Variants in GRM5 observed in about 807,000 individuals in gnomAD.
GRM5 encodes glutamate metabotropic receptor 5.
A neutral mutation model predicts 83.1 loss-of-function variants in GRM5; 19 were observed. The ratio of observed to expected loss-of-function variants is 0.23; its 90% CI spans 0.16 to 0.34. The LOEUF is 0.34. Among genes scored for constraint, GRM5 ranks in the 10% least tolerant of loss-of-function variants. The pLI is 1.00. For missense variants in GRM5, 1,160 were observed against 1,588.3 expected, an observed-to-expected ratio of 0.73 and a Z score of 4.58; for synonymous variants, 675 against 633.6, an observed-to-expected ratio of 1.07 and a Z score of -0.98.
Position 88,657,823 on chromosome 11 carries a change from T to G in GRM5, c.912-4420A>C, listed in dbSNP as rs77757226. ...CTACCCATCTTAGACTAAATTATTT[T>G]GTCACAATCAATAGTCCCAGTATCT... On this transcript the variant is annotated intron_variant, in intron 3 of 9. Coordinates refer to ENST00000305447, the MANE Select transcript of GRM5 (RefSeq NM_001143831.3). 9.5e-4 allele frequency among the ~76,000 whole-genome samples: 145 copies of G among 152,302 alleles called. 1 individual carries two copies. In the Middle Eastern group the frequency reaches 0.034, roughly 36 times the overall value.
At chr11:88,564,520 C>A (rs1262789441) in intron 8 of GRM5, among the ~76,000 whole-genome samples, 1 of 152,122 alleles carries the variant, frequency 6.6e-6, no homozygotes, top group African/African-American at 2.4e-5. Flanking sequence ...CTGATGACCA[C>A]AGGAGTGAGA....
chr11:88,915,002 TAAC>T (rs1466792574), intron 2 of GRM5, among the ~76,000 whole-genome samples: 2 of 152,162 alleles, frequency 1.3e-5, no homozygotes, highest in Non-Finnish European at 2.9e-5. Context: ...AAGGTTTCCT[TAAC>T]AAGATTTTTA....
At chr11:88,929,080 T>C (rs11021680) in intron 2 of GRM5, among the ~76,000 whole-genome samples, 4,601 of 152,138 alleles carry the variant, frequency 0.03, 220 homozygotes, top group African/African-American at 0.1. Flanking sequence ...TTCAAATTCA[T>C]CATGTGAAAT....
At chr11:88,983,789 C>T (rs1009534581) in intron 2 of GRM5, among the ~76,000 whole-genome samples, 1 of 151,962 alleles carries the variant, frequency 6.6e-6, no homozygotes, top group African/African-American at 2.4e-5. Flanking sequence ...GGCATTTTTA[C>T]CATAGGAGGT....
At chr11:88,987,068 G>T (rs539847330) in intron 2 of GRM5, among the ~76,000 whole-genome samples, 8 of 151,974 alleles carry the variant, frequency 5.3e-5, no homozygotes, top group African/African-American at 1.9e-4. Context: ...GGCAGAAGAC[G>T]GGTGATTTCT....
chr11:88,647,106 TC>T (rs1486022185), intron 4 of GRM5, among the ~76,000 whole-genome samples: 6 of 152,046 alleles, frequency 3.9e-5, no homozygotes. Flanking sequence ...GCCTGTGTCA[TC>T]CCATGGTGTC....
chr11:89,038,939 G>C (rs1480019122), intron 2 of GRM5, among the ~76,000 whole-genome samples: 1 of 152,134 alleles, frequency 6.6e-6, no homozygotes, highest in Non-Finnish European at 1.5e-5. Flanking sequence ...ATCAGACTGT[G>C]TTATGAAATA....
In GRM5 at chr11:88,809,528, T is replaced by C. The variant is rs137976457; in HGVS notation, c.911+40378A>G. On this transcript the variant is annotated intron_variant, in intron 3 of 9. Coordinates refer to ENST00000305447, the MANE Select transcript of GRM5 (RefSeq NM_001143831.3). ...TTTGTAAAGATTATTATTTTTACTG[T>C]TCATCAAAGTAGGCATGATTAACTT... Among the ~76,000 whole-genome samples, 381 of 152,202 alleles carry C rather than the reference T, an allele frequency of 2.5e-3. 1 individual carries two copies. The highest frequency in any genetic ancestry group is 6.4e-3 in the African/African-American group (266 of 41,556).
chr11:88,664,590 G>T (rs1939990983), intron 3 of GRM5, among the ~76,000 whole-genome samples: 1 of 151,978 alleles, frequency 6.6e-6, no homozygotes, highest in South Asian at 2.1e-4. Context: ...GGGACTACGG[G>T]TGTGCACCAC....
intron 2 of GRM5, among the ~76,000 whole-genome samples, chr11:88,885,339 T>C (rs1318421977): frequency 6.6e-6 from 1 of 151,616 alleles, no homozygotes; most frequent in East Asian, 1.9e-4. Flanking sequence ...ATTATTCCAC[T>C]TAAATTTCAT....
At chr11:88,937,105 TAA>T (rs1937925587) in intron 2 of GRM5, among the ~76,000 whole-genome samples, 1 of 151,650 alleles carries the variant, frequency 6.6e-6, no homozygotes, top group South Asian at 2.1e-4. Flanking sequence ...AAGTGATCTA[TAA>T]CAAGTTCATT....
rs71046265 is a variant in GRM5, at chr11:88,845,423, CTTTTTTTT to C, written c.911+4475_911+4482del. Among the ~76,000 whole-genome samples, 13 of 92,444 alleles carry C rather than the reference CTTTTTTTT, an allele frequency of 1.4e-4. No homozygotes were observed. In the South Asian group the frequency reaches 2.3e-3, roughly 16 times the overall value. The allele number at this position is 92,444 out of a possible 152,430, so 60.6% of individuals were successfully genotyped here. On this transcript the variant is annotated intron_variant, in intron 3 of 9. Coordinates refer to ENST00000305447, the MANE Select transcript of GRM5 (RefSeq NM_001143831.3). ...AGGCTACAGTACAGTATAAACATAA[CTTTTTTTT>C]TTTTTTTTTTTTTTTTTTTTGAGAC...
chr11:88,925,961 T>C (rs1945782358), intron 2 of GRM5: 1 of 297,604 alleles, frequency 3.4e-6, no homozygotes. Context: ...CATTAAAACT[T>C]TCCCTTTTAC....
chr11:88,829,213 C>T (rs899761931), intron 3 of GRM5, among the ~76,000 whole-genome samples: 8 of 152,138 alleles, frequency 5.3e-5, no homozygotes, highest in Admixed American at 2.0e-4. Context: ...ATAATTCCAA[C>T]GCTTTGGGAG....
intron 3 of GRM5, among the ~76,000 whole-genome samples, chr11:88,680,906 C>T (rs1232627562): frequency 6.6e-6 from 1 of 152,136 alleles, no homozygotes; most frequent in Non-Finnish European, 1.5e-5. Flanking sequence ...TGTAATTCAT[C>T]ACAGCGTCAA....
intron 2 of GRM5, among the ~76,000 whole-genome samples, chr11:89,001,670 G>T (rs896608107): frequency 1.6e-4 from 25 of 152,042 alleles, no homozygotes; most frequent in African/African-American, 5.6e-4. Flanking sequence ...ACATAGTTTT[G>T]TAAAAGGTTA....
intron 4 of GRM5, among the ~76,000 whole-genome samples, chr11:88,652,357 T>C (rs1939653687): frequency 6.6e-6 from 1 of 152,058 alleles, no homozygotes; most frequent in African/African-American, 2.4e-5. Context: ...AGACAGATGA[T>C]ATAGATAGAT....
chr11:88,584,085 C>T lies in GRM5; in HGVS notation c.1690+6516G>A, dbSNP rs892877107. Among the ~76,000 whole-genome samples the T allele has an allele frequency of 9.2e-5, 14 of 151,596 alleles. No homozygotes were observed. The South Asian group carries it at 2.3e-3, about 25-fold the overall frequency. Reference sequence around the variant, plus strand: ...CTTTTAGTGTTAAATATTTAAATAGCGCAAATAGTATGGAATCATTTAAAT... The same window carrying T: ...CTTTTAGTGTTAAATATTTAAATAGTGCAAATAGTATGGAATCATTTAAAT... On this transcript the variant is annotated intron_variant, in intron 7 of 9. Coordinates refer to ENST00000305447, the MANE Select transcript of GRM5 (RefSeq NM_001143831.3).
At chr11:89,054,489 G>A (rs943947191) in intron 1 of GRM5, among the ~76,000 whole-genome samples, 10 of 152,190 alleles carry the variant, frequency 6.6e-5, no homozygotes, top group Non-Finnish European at 1.5e-4. Context: ...GATGTAGGGG[G>A]CTGAATTCTG....
Sources: gnomAD v4.1 joint callset for allele counts (sites outside exome capture counted in the v4.1 genomes callset) on GRCh38, gnomAD v4.1.1 for gene constraint, MANE v1.5 for transcripts, NCBI Gene and HGNC (gene_info 2026-07-23, HGNC 2026-07-21) for gene names.